The following MAP4 variants were observed in gnomAD, a reference collection of about 807,000 sequenced individuals.
The protein encoded by MAP4 is microtubule associated protein 4.
Under a neutral mutation model 170.2 loss-of-function variants are expected in MAP4, and 76 were observed. That is an observed-to-expected ratio of 0.45 (90% confidence interval 0.37 to 0.54). The LOEUF is 0.54. Ranked by LOEUF, MAP4 falls within the 20% of genes least tolerant of loss-of-function variation. MAP4 has a pLI of 0.00. For missense variants in MAP4, 2,506 were observed against 2,748.0 expected, an observed-to-expected ratio of 0.91 and a Z score of 1.97; for synonymous variants, 909 against 994.5, an observed-to-expected ratio of 0.91 and a Z score of 1.62.
intron 3 of MAP4, among the ~76,000 whole-genome samples, chr3:47,969,063 C>G (rs2100076894): frequency 6.6e-6 from 1 of 152,196 alleles, no homozygotes; most frequent in Non-Finnish European, 1.5e-5. Flanking sequence ...GTGGAAAATT[C>G]CAAAACTAAC....
intron 3 of MAP4, among the ~76,000 whole-genome samples, chr3:47,954,636 T>C (rs1232246458): frequency 6.6e-6 from 1 of 152,192 alleles, no homozygotes; most frequent in Admixed American, 6.5e-5. Context: ...CAAAGGCCAT[T>C]TACTAGAGTG....
Position 47,910,836 on chromosome 3 carries a change from T to C in MAP4, c.3585A>G (p.Pro1195=). The change falls in exon 9 of 21, where the codon CCA becomes CCG. Residue 1195 remains proline, a synonymous_variant. Transcript: ENST00000683076. ...VNNQSKEGRC[P]WKDHEAAPWI... Reference sequence around the variant, plus strand: ...AGGGAGCTGCCTCATGATCCTTCCATGGACACCTTCCTTCCTTGCTCTGGT... The same window carrying C: ...AGGGAGCTGCCTCATGATCCTTCCACGGACACCTTCCTTCCTTGCTCTGGT... The C allele has an allele frequency of 3.9e-6, 6 of 1,536,150 alleles. No homozygotes were observed. The highest frequency in any genetic ancestry group is 5.2e-6 in the Non-Finnish European group (6 of 1,146,904).
chr3:47,853,367 T>TG lies in MAP4; in HGVS notation c.6697-16dup. On this transcript the variant is annotated splice_polypyrimidine_tract_variant and intron_variant, in intron 19 of 20. Transcript: ENST00000683076. ...CCGCCCTCAGTCTACAATGAAACAG[T>TG]GGGGGAGACAGTGCAGGGTCAGTCG... The TG allele has an allele frequency of 1.3e-6, 2 of 1,577,274 alleles. No individual in the cohort carries two copies. The highest frequency in any genetic ancestry group is 1.7e-6 in the Non-Finnish European group (2 of 1,161,480).
At chr3:47,982,344 A>T (rs1559694635) in intron 2 of MAP4, among the ~76,000 whole-genome samples, 1 of 152,216 alleles carries the variant, frequency 6.6e-6, no homozygotes, top group African/African-American at 2.4e-5. Flanking sequence ...ATATTACATT[A>T]GGATAAAAGT....
chr3:47,875,619 G>T lies in MAP4; in HGVS notation c.5757+66C>A. ...GATTCTGTTGTCTGTTAGCAACAAG[G>T]ATCTGTCTATCTGACACTCAGAGGG... is the stretch of plus-strand genomic sequence containing the variant. On this transcript the variant is annotated intron_variant, in intron 12 of 20. Coordinates refer to ENST00000683076, the MANE Select transcript of MAP4 (RefSeq NM_001385682.1). 5 of 1,336,700 alleles carry T rather than the reference G, an allele frequency of 3.7e-6. No individual in the cohort carries two copies. In the East Asian group the frequency reaches 1.2e-4, roughly 33 times the overall value. The allele number at this position is 1,336,700 out of a possible 1,614,324, so 82.8% of individuals were successfully genotyped here.
chr3:47,937,076 C>T (rs1454931601), intron 3 of MAP4, among the ~76,000 whole-genome samples: 1 of 151,310 alleles, frequency 6.6e-6, no homozygotes, highest in Non-Finnish European at 1.5e-5. Flanking sequence ...GACCTTAAGA[C>T]TGTTAGAGCT....
chr3:47,968,912 C>A (rs943740374), intron 3 of MAP4, among the ~76,000 whole-genome samples: 6 of 151,994 alleles, frequency 3.9e-5, no homozygotes, highest in Non-Finnish European at 7.4e-5. Context: ...GGAGATATCA[C>A]TATGAATCTT....
At chr3:47,947,512 C>T (rs547891663) in intron 3 of MAP4, among the ~76,000 whole-genome samples, 6 of 152,234 alleles carry the variant, frequency 3.9e-5, no homozygotes, top group African/African-American at 1.4e-4. Flanking sequence ...CAGAACTCTC[C>T]TAGAAGAGAG....
intron 9 of MAP4, among the ~76,000 whole-genome samples, chr3:47,907,224 T>G (rs1022513062): frequency 6.6e-6 from 1 of 152,188 alleles, no homozygotes; most frequent in South Asian, 2.1e-4. Context: ...CTCATTTATA[T>G]GAAATCAGGA....
chr3:48,022,500 C>T (rs2100111059), intron 1 of MAP4, among the ~76,000 whole-genome samples: 2 of 151,956 alleles, frequency 1.3e-5, no homozygotes, highest in African/African-American at 2.4e-5. Flanking sequence ...TGAAGTGATG[C>T]CTTTAAAACT....
At chr3:48,039,918 A>C (rs1396805199) in intron 1 of MAP4, among the ~76,000 whole-genome samples, 1 of 152,220 alleles carries the variant, frequency 6.6e-6, no homozygotes, top group Non-Finnish European at 1.5e-5. Context: ...AGCCACTAAA[A>C]TCTAACTGTT....
chr3:48,044,003 AC>A (rs1227559136), intron 1 of MAP4, among the ~76,000 whole-genome samples: 1 of 146,454 alleles, frequency 6.8e-6, no homozygotes, highest in Non-Finnish European at 1.5e-5. Flanking sequence ...GTGCCACCAC[AC>A]CCAGCTAATG....
chr3:47,910,253 T>A lies in MAP4; in HGVS notation c.4168A>T (p.Ile1390Leu). The change falls in exon 9 of 21, where the codon ATA (isoleucine) becomes TTA (leucine). Residue 1390 changes from isoleucine (I) to leucine (L), a missense_variant. Transcript: ENST00000683076. ...ILENKIDATK[I>L]HVPMETTGDQ... The stretch of plus-strand genomic sequence containing the variant: ...CCTGTGGTTTCCATGGGAACATGTA[T>A]TTTTGTTGCATCTATCTTATTCTCC... 1 of 1,607,432 alleles carries A rather than the reference T, an allele frequency of 6.2e-7. No individual in the cohort carries two copies. Among genetic ancestry groups the A allele is most frequent in the Non-Finnish European group, 8.5e-7 (1 of 1,179,646 alleles).
chr3:47,994,444 A>T (rs1340175455), intron 2 of MAP4, among the ~76,000 whole-genome samples: 1 of 152,200 alleles, frequency 6.6e-6, no homozygotes, highest in Non-Finnish European at 1.5e-5. Context: ...CATAGGTGAA[A>T]GAAGCTAGCT....
chr3:48,085,443 G>A (rs937029643), intron 1 of MAP4, among the ~76,000 whole-genome samples: 11 of 152,154 alleles, frequency 7.2e-5, no homozygotes, highest in African/African-American at 2.7e-4. Flanking sequence ...TTTTTAATAG[G>A]TAATATAAAT....
At chr3:48,054,088 G>A (rs1421358930) in intron 1 of MAP4, among the ~76,000 whole-genome samples, 2 of 151,896 alleles carry the variant, frequency 1.3e-5, no homozygotes, top group Admixed American at 6.6e-5. Flanking sequence ...CAGATCATGA[G>A]GTTAAGAGAC....
In MAP4 at chr3:47,851,967, G is replaced by C. The variant is rs1416563709; in HGVS notation, c.*967C>G. ...GAATGGGACAGAGATGCCAAAACCA[G>C]CCTCTTGGTTAGAAAAGAAAAGCAG... On this transcript the variant is annotated 3_prime_UTR_variant, in exon 21 of 21. Transcript: ENST00000683076. 1 of 152,212 alleles carries C rather than the reference G, an allele frequency of 6.6e-6. No individual in the cohort carries two copies. Among genetic ancestry groups the C allele is most frequent in the African/African-American group, 2.4e-5 (1 of 41,400 alleles). The allele number at this position is 152,212 out of a possible 1,614,324, so 9.4% of individuals were successfully genotyped here. A position where few individuals can be genotyped will look rare whatever the true frequency, so the allele number is the denominator to read the frequency against.
chr3:47,917,653 T>C (rs1459209977), intron 6 of MAP4, among the ~76,000 whole-genome samples: 1 of 150,968 alleles, frequency 6.6e-6, no homozygotes, highest in Non-Finnish European at 1.5e-5. Context: ...TCTTTGACAG[T>C]CTCAACACTT....
rs2044493484 is a variant in MAP4 at position 47,852,529 on chromosome 3, G to A, written c.*405C>T. The A allele has an allele frequency of 2.0e-6, 1 of 491,910 alleles. No individual in the cohort carries two copies. The highest frequency in any genetic ancestry group is 3.6e-6 in the Non-Finnish European group (1 of 280,682). 30.5% of individuals were successfully genotyped at this position (491,910 alleles called of 1,614,324 possible). A position where few individuals can be genotyped will look rare whatever the true frequency, so the allele number is the denominator to read the frequency against. ...GGCATGTCAGTTTCTTTTGGGTTTG[G>A]ACCAAAGAACCAAAAAAAGATGAGG... On this transcript the variant is annotated 3_prime_UTR_variant, in exon 21 of 21. Coordinates refer to ENST00000683076, the MANE Select transcript of MAP4 (RefSeq NM_001385682.1).
Sources: allele counts gnomAD v4.1 joint callset (sites outside exome capture counted in the v4.1 genomes callset), GRCh38; gene constraint gnomAD v4.1.1; transcripts MANE v1.5; gene names NCBI Gene and HGNC (gene_info 2026-07-23, HGNC 2026-07-21).